PLCB4: variants seen among roughly 807,000 people sequenced by gnomAD.
PLCB4 encodes phospholipase C beta 4.
A neutral mutation model predicts 178.8 loss-of-function variants in PLCB4; 77 were observed. The ratio of observed to expected loss-of-function variants is 0.43; its 90% confidence interval spans 0.36 to 0.52. The LOEUF (loss-of-function observed/expected upper bound fraction) is 0.52. Ranked by LOEUF, PLCB4 falls within the 20% of genes least tolerant of loss-of-function variation. The probability of loss-of-function intolerance (pLI) is 0.00; values close to 1 mark genes in which losing one functional copy is unlikely to be tolerated. For missense variants in PLCB4, 1,024 were observed against 1,453.4 expected (o/e 0.70, Z 4.80); for synonymous variants, 496 against 490.8 (o/e 1.01, Z -0.14).
intron 2 of PLCB4, among the ~76,000 whole-genome samples, chr20:9,154,246 A>G (rs2092742474): frequency 6.6e-6 from 1 of 152,128 alleles, no homozygotes. Flanking sequence ...ACTTTAAAAA[A>G]ATTTTTCTTG....
intron 3 of PLCB4, among the ~76,000 whole-genome samples, chr20:9,250,239 G>A (rs2094165770): frequency 6.6e-6 from 1 of 152,190 alleles, no homozygotes; most frequent in Non-Finnish European, 1.5e-5. Flanking sequence ...CTTTATGAAA[G>A]TGACGGACAC....
At chr20:9,421,250 G>A (rs1432954514) in intron 26 of PLCB4, 47 bp from the exon 27 acceptor site, 6 of 1,482,964 alleles carry the variant, frequency 4.0e-6, no homozygotes, top group Non-Finnish European at 5.5e-6. Context: ...TGCTACTGAT[G>A]CTTACACAGA....
intron 3 of PLCB4, among the ~76,000 whole-genome samples, chr20:9,248,856 T>C (rs532044173): frequency 6.6e-6 from 1 of 152,340 alleles, no homozygotes; most frequent in South Asian, 2.1e-4. Flanking sequence ...CACAAGTTTA[T>C]TTTCTTATAA....
intron 12 of PLCB4, among the ~76,000 whole-genome samples, chr20:9,374,653 C>G (rs6108283): frequency 2.0e-5 from 3 of 152,104 alleles, no homozygotes; most frequent in African/African-American, 4.8e-5. Context: ...TTACAGAGAC[C>G]TTAATACTGC....
In PLCB4 at chr20:9,472,832, G is replaced by A; in HGVS notation, c.3393G>A (p.Leu1131=). 1 of 1,592,574 alleles carries A rather than the reference G, an allele frequency of 6.3e-7. No homozygotes were observed. Among genetic ancestry groups the A allele is most frequent in the Non-Finnish European group, 8.6e-7 (1 of 1,164,560 alleles). The change falls in exon 37 of 40, where the codon CTG becomes CTA. Residue 1131 remains leucine, a synonymous_variant. Coordinates refer to ENST00000378473, the MANE Select transcript of PLCB4 (RefSeq NM_001377142.1). ...ELNSSNTKKF[L]EERKRLAMKQ... is the part of the protein sequence containing the mutation. ...ACAGCAGCAACACTAAAAAGTTTCT[G>A]GAAGAAAGAAAGAGAGTAAGTATTT...
At chr20:9,110,465 C>G (rs1333204557) in intron 2 of PLCB4, among the ~76,000 whole-genome samples, 1 of 152,144 alleles carries the variant, frequency 6.6e-6, no homozygotes, top group Admixed American at 6.5e-5. Flanking sequence ...TAGATTATCT[C>G]TACACATTTT....
At chr20:9,263,032 A>G (rs1163052706) in intron 3 of PLCB4, among the ~76,000 whole-genome samples, 2 of 152,082 alleles carry the variant, frequency 1.3e-5, no homozygotes, top group Non-Finnish European at 2.9e-5. Flanking sequence ...TGTATACATG[A>G]GGTTGGGTGA....
In PLCB4 at chr20:9,414,938, C is replaced by A. The variant is rs932994257; in HGVS notation, c.2051+3850C>A. 3.3e-5 allele frequency among the ~76,000 whole-genome samples: 5 copies of A among 152,292 alleles called. No individual in the cohort carries two copies. In the East Asian group the frequency reaches 9.7e-4, roughly 29 times the overall value. On this transcript the variant is annotated intron_variant, in intron 25 of 39. Transcript: ENST00000378473. ...ATTTCTCCCTTGCCCACAGGCCGTA[C>A]GTTCTAAGAACCCCAGTGGATGCCT...
chr20:9,099,265 A>T (rs2146618918), intron 2 of PLCB4, among the ~76,000 whole-genome samples: 1 of 152,246 alleles, frequency 6.6e-6, no homozygotes, highest in African/African-American at 2.4e-5. Flanking sequence ...CAGGGCCAGA[A>T]TGTTTTTAAA....
Position 9,363,877 on chromosome 20 carries a change from T to A in PLCB4, c.449+902T>A, listed in dbSNP as rs115315592. Among the ~76,000 whole-genome samples the A allele has an allele frequency of 3.0e-3, 453 of 152,356 alleles. 4 individuals carry two copies. The highest frequency in any genetic ancestry group is 0.01 in the African/African-American group (429 of 41,580). On this transcript the variant is annotated intron_variant, in intron 8 of 39. Coordinates refer to ENST00000378473, the MANE Select transcript of PLCB4 (RefSeq NM_001377142.1). ...CTCACTTGGCAATGGGCCAAGAGGT[T>A]AGTCCTAAAGGTACTGTCATGTCTT...
intron 2 of PLCB4, among the ~76,000 whole-genome samples, chr20:9,140,014 A>G (rs545494762): frequency 3.3e-5 from 5 of 152,102 alleles, no homozygotes; most frequent in African/African-American, 7.2e-5. Flanking sequence ...TTTTCTTTCC[A>G]TGGTCCAGAG....
chr20:9,458,903 G>C (rs576215220), intron 34 of PLCB4, among the ~76,000 whole-genome samples: 1 of 152,310 alleles, frequency 6.6e-6, no homozygotes, highest in East Asian at 1.9e-4. Flanking sequence ...GTGTCTATCA[G>C]GGTTGACACA....
intron 2 of PLCB4, among the ~76,000 whole-genome samples, chr20:9,131,695 T>G (rs1419566510): frequency 5.3e-5 from 8 of 152,232 alleles, no homozygotes; most frequent in Admixed American, 5.2e-4. Flanking sequence ...CATGGTAGAC[T>G]GTTACATTTG....
chr20:9,164,750 T>C (rs1344620102), intron 2 of PLCB4, among the ~76,000 whole-genome samples: 1 of 152,164 alleles, frequency 6.6e-6, no homozygotes, highest in East Asian at 1.9e-4. Context: ...ACCACCAGTC[T>C]ATTCTGTGGT....
At chr20:9,403,585 T>C (rs1361606164) in intron 20 of PLCB4, among the ~76,000 whole-genome samples, 2 of 152,164 alleles carry the variant, frequency 1.3e-5, no homozygotes, top group Non-Finnish European at 2.9e-5. Context: ...TGGTGGAAGA[T>C]TTTTTGGCAG....
chr20:9,257,249 A>C (rs1482513487), intron 3 of PLCB4, among the ~76,000 whole-genome samples: 1 of 152,196 alleles, frequency 6.6e-6, no homozygotes, highest in African/African-American at 2.4e-5. Context: ...GAAAGGATGG[A>C]GGTAACTGCA....
At position 9,327,477 on chromosome 20, in the gene PLCB4, T is replaced by TA. The variant is rs200638400; in HGVS notation, c.85-9640dup. 4.0e-3 allele frequency among the ~76,000 whole-genome samples: 604 copies of TA among 149,848 alleles called. 4 individuals carry two copies. Among genetic ancestry groups the TA allele is most frequent in the African/African-American group, 0.014 (550 of 40,708 alleles). Reference sequence around the variant, plus strand: ...CGGATGACAGCAAAATTCTGTCTCTTAAAAAAAAATCAATACTGGCCGGGC... The same window carrying TA: ...CGGATGACAGCAAAATTCTGTCTCTTAAAAAAAAAATCAATACTGGCCGGGC... On this transcript the variant is annotated intron_variant, in intron 4 of 39. Transcript: ENST00000378473.
chr20:9,458,978 A>G (rs1443846489), intron 34 of PLCB4, among the ~76,000 whole-genome samples: 1 of 152,236 alleles, frequency 6.6e-6, no homozygotes, highest in Non-Finnish European at 1.5e-5. Flanking sequence ...GCTTGTGGAC[A>G]TGAAGCTGGA....
intron 35 of PLCB4, among the ~76,000 whole-genome samples, chr20:9,466,871 C>T (rs369447460): frequency 1.6e-4 from 24 of 152,230 alleles, no homozygotes; most frequent in East Asian, 5.8e-4. Flanking sequence ...GACAGTGTGG[C>T]GATTCCTCAA....
Sources: gnomAD v4.1 joint callset for allele counts (sites outside exome capture counted in the v4.1 genomes callset) on GRCh38, gnomAD v4.1.1 for gene constraint, MANE v1.5 for transcripts, NCBI Gene and HGNC (gene_info 2026-07-23, HGNC 2026-07-21) for gene names.